Variants in DGUOK observed in about 807,000 individuals in gnomAD.
The protein encoded by DGUOK is deoxyguanosine kinase, mitochondrial.
DGUOK carries 30 observed loss-of-function variants against 36.6 expected under a neutral mutation model. The ratio of observed to expected loss-of-function variants is 0.82; its 90% CI spans 0.61 to 1.11. The LOEUF (loss-of-function observed/expected upper bound fraction) is 1.11, where lower values mean the gene tolerates loss of function less well. Among genes scored for constraint, DGUOK ranks in the 50% most tolerant of loss-of-function variants. The probability of loss-of-function intolerance (pLI) is 0.00; values close to 1 mark genes in which losing one functional copy is unlikely to be tolerated. For missense variants in DGUOK, 361 were observed against 336.4 expected, an observed-to-expected ratio of 1.07 and a Z score of -0.57; for synonymous variants, 145 against 126.3, an observed-to-expected ratio of 1.15 and a Z score of -0.99.
chr2:73,927,141 G>A, intron 1 of DGUOK, 89 bp downstream of exon 1: 1 of 1,553,932 alleles, frequency 6.4e-7, no homozygotes, highest in Non-Finnish European at 8.7e-7. Flanking sequence ...AATGGCCTGC[G>A]TCTGATGCGG....
intron 2 of DGUOK, among the ~76,000 whole-genome samples, chr2:73,940,554 T>C (rs1338574595): frequency 1.3e-5 from 2 of 152,228 alleles, no homozygotes; most frequent in Non-Finnish European, 2.9e-5. Flanking sequence ...CAGGAATAAA[T>C]TACATATCTT....
rs1681483265 is a variant in DGUOK, at chr2:73,936,601, A to G, written c.143-2309A>G. Among the ~76,000 whole-genome samples the G allele has an allele frequency of 3.3e-5, 5 of 152,354 alleles. No homozygotes were observed. In the South Asian group the frequency reaches 1.0e-3, roughly 32 times the overall value. ...ACCCCAATCAGTAACCATAAGTGGA[A>G]GGATGCCCCCCTTCTTTCCCTTGAG... is the stretch of plus-strand genomic sequence containing the variant. On this transcript the variant is annotated intron_variant, in intron 1 of 6. Coordinates refer to ENST00000264093, the MANE Select transcript of DGUOK (RefSeq NM_080916.3).
chr2:73,951,518 A>C (rs1350751806), intron 4 of DGUOK, among the ~76,000 whole-genome samples: 1 of 152,122 alleles, frequency 6.6e-6, no homozygotes, highest in Non-Finnish European at 1.5e-5. Context: ...TATATAGTCA[A>C]ATGCCAGATA....
intron 4 of DGUOK, among the ~76,000 whole-genome samples, chr2:73,953,858 A>G (rs1682891825): frequency 6.6e-6 from 1 of 151,222 alleles, no homozygotes; most frequent in Non-Finnish European, 1.5e-5. Context: ...AGCTGGGACT[A>G]CAGGCACCCG....
chr2:73,935,087 T>C (rs62151971), intron 1 of DGUOK, among the ~76,000 whole-genome samples: 153 of 151,100 alleles, frequency 1.0e-3, no homozygotes, highest in African/African-American at 3.2e-3. Flanking sequence ...AATAAATAAA[T>C]AAACAAACAA....
At chr2:73,943,297 A>G (rs975064328) in intron 2 of DGUOK, among the ~76,000 whole-genome samples, 28 of 150,986 alleles carry the variant, frequency 1.9e-4, no homozygotes, top group Admixed American at 1.7e-3. Flanking sequence ...CTATAGGTGC[A>G]TACCACTGTC....
At chr2:73,949,337 T>C (rs114803130) in intron 3 of DGUOK, among the ~76,000 whole-genome samples, 40 of 152,368 alleles carry the variant, frequency 2.6e-4, no homozygotes, top group African/African-American at 9.4e-4. Context: ...CTTTTATTTG[T>C]TCTCATCAAC....
At chr2:73,941,508 A>G (rs1681901451) in intron 2 of DGUOK, among the ~76,000 whole-genome samples, 1 of 152,232 alleles carries the variant, frequency 6.6e-6, no homozygotes, top group African/African-American at 2.4e-5. Context: ...TGTATAAAAT[A>G]TATATACATT....
chr2:73,926,929 T>C lies in DGUOK; in HGVS notation c.19T>C (p.Phe7Leu). The C allele has an allele frequency of 6.2e-7, 1 of 1,613,624 alleles. No homozygotes were observed. Reference protein sequence around the residue: MAAGRLFLSRLRAPFSS... With the variant: MAAGRLLLSRLRAPFSS... ...GGGTGGGATGGCCGCGGGCCGCCTC[T>C]TTCTAAGTCGGCTTCGAGCACCCTT... is the stretch of plus-strand genomic sequence containing the variant. Residue 7 changes from phenylalanine (F) to leucine (L), a missense_variant, in exon 1 of 7, where the codon TTT becomes CTT. Coordinates refer to ENST00000264093, the MANE Select transcript of DGUOK (RefSeq NM_080916.3).
intron 1 of DGUOK, among the ~76,000 whole-genome samples, chr2:73,935,827 T>C (rs1397595610): frequency 6.6e-6 from 1 of 152,220 alleles, no homozygotes; most frequent in African/African-American, 2.4e-5. Context: ...TTAGGTGTTA[T>C]TGTTCCAGTC....
At chr2:73,958,278 G>C (rs1683280454) in intron 6 of DGUOK, 33 bp downstream of exon 6, 2 of 1,537,906 alleles carry the variant, frequency 1.3e-6, no homozygotes, top group Admixed American at 3.4e-5. Flanking sequence ...TTTTCTGGTG[G>C]TTTCCTTTGT....
intron 4 of DGUOK, among the ~76,000 whole-genome samples, chr2:73,952,263 G>A (rs764510987): frequency 6.6e-6 from 1 of 152,230 alleles, no homozygotes; most frequent in Non-Finnish European, 1.5e-5. Flanking sequence ...TGCATTGATT[G>A]CAAGTTGACA....
chr2:73,927,236 C>T (rs1320239772), intron 1 of DGUOK, among the ~76,000 whole-genome samples, 184 bp downstream of exon 1: 1 of 152,176 alleles, frequency 6.6e-6, no homozygotes, highest in African/African-American at 2.4e-5. Context: ...TTTAGGATAT[C>T]GGGCCTCAGT....
chr2:73,927,178 A>T, intron 1 of DGUOK, 126 bp downstream of exon 1: 1 of 1,338,822 alleles, frequency 7.5e-7, no homozygotes, highest in Non-Finnish European at 1.0e-6. Context: ...GGCTGCGAGG[A>T]GAGCCTTTCC....
rs1169743267 is a variant in DGUOK at position 73,926,944 on chromosome 2, C to T, written c.34C>T (p.Arg12Ter). ...AAGRLFLSRL[R>*]APFSSMAKSP... ...GGGCCGCCTCTTTCTAAGTCGGCTT[C>T]GAGCACCCTTCAGTTCCATGGCCAA... is the stretch of plus-strand genomic sequence containing the variant. The change falls in exon 1 of 7, where the codon CGA becomes TGA. Residue 12 changes from arginine (R) to a stop codon, truncating the protein, a stop_gained. Transcript: ENST00000264093. LOFTEE classifies it high-confidence loss of function. The T allele has an allele frequency of 1.2e-6, 2 of 1,613,450 alleles. No individual in the cohort carries two copies. Among genetic ancestry groups the T allele is most frequent in the Non-Finnish European group, 8.5e-7 (1 of 1,180,042 alleles).
At chr2:73,932,909 A>G (rs1681163773) in intron 1 of DGUOK, among the ~76,000 whole-genome samples, 1 of 152,176 alleles carries the variant, frequency 6.6e-6, no homozygotes, top group Non-Finnish European at 1.5e-5. Context: ...GTCTTTTAAG[A>G]CTGTTCATCC....
Position 73,954,879 on chromosome 2 carries a change from C to G in DGUOK, c.592-2246C>G, listed in dbSNP as rs182409310. 6.4e-4 allele frequency among the ~76,000 whole-genome samples: 97 copies of G among 152,328 alleles called. 2 individuals are homozygous for G. Among genetic ancestry groups the G allele is most frequent in the Admixed American group, 5.6e-3 (86 of 15,302 alleles). On this transcript the variant is annotated intron_variant, in intron 4 of 6. Transcript: ENST00000264093. ...CTACACTATCTTTCCTGTTCACATT[C>G]AGGTGTGTCTTCCTCATGAGGACTG...
chr2:73,949,986 C>A (rs182559150), intron 3 of DGUOK, among the ~76,000 whole-genome samples: 1 of 152,286 alleles, frequency 6.6e-6, no homozygotes, highest in East Asian at 1.9e-4. Flanking sequence ...ATGCATTTTG[C>A]AGGAGAGTCT....
In DGUOK at chr2:73,949,245, C is replaced by T. The variant is rs1366306827; in HGVS notation, c.444-1340C>T. On this transcript the variant is annotated intron_variant, in intron 3 of 6. Transcript: ENST00000264093. Reference sequence around the variant, plus strand: ...GGGATTACAGGTGTGAGCCACAGTGCGTGGCCACTTTATAGGATCTTAATT... The same window carrying T: ...GGGATTACAGGTGTGAGCCACAGTGTGTGGCCACTTTATAGGATCTTAATT... Among the ~76,000 whole-genome samples the T allele has an allele frequency of 2.6e-5, 4 of 152,172 alleles. 1 individual carries two copies. Among genetic ancestry groups the T allele is most frequent in the South Asian group, 4.1e-4 (2 of 4,832 alleles).
Sources: allele counts gnomAD v4.1 joint callset (sites outside exome capture counted in the v4.1 genomes callset), GRCh38; gene constraint gnomAD v4.1.1; transcripts MANE v1.5; gene names NCBI Gene and HGNC (gene_info 2026-07-23, HGNC 2026-07-21).